DLG2: variants seen among roughly 807,000 people sequenced by gnomAD.
The protein encoded by DLG2 is disks large homolog 2.
In DLG2, 45 loss-of-function variants were observed where a neutral mutation model predicts 132.5. That is an observed-to-expected ratio of 0.34 (90% CI 0.27 to 0.44). DLG2 has a LOEUF of 0.44. DLG2 is among the 20% of genes least tolerant of loss of function. The pLI is 1.00. For synonymous variants in DLG2, 424 were observed against 419.6 expected, an observed-to-expected ratio of 1.01 and a Z score of -0.13; for missense variants, 1,045 against 1,196.9, an observed-to-expected ratio of 0.87 and a Z score of 1.87.
At chr11:83,704,109 T>A (rs1034008486) in intron 18 of DLG2, among the ~76,000 whole-genome samples, 3 of 152,144 alleles carry the variant, frequency 2.0e-5, no homozygotes, top group African/African-American at 4.8e-5. Flanking sequence ...TTTTATAATT[T>A]AAAAAAATCC....
At chr11:84,541,292 G>T (rs937685017) in intron 6 of DLG2, among the ~76,000 whole-genome samples, 1 of 151,948 alleles carries the variant, frequency 6.6e-6, no homozygotes, top group Non-Finnish European at 1.5e-5. Flanking sequence ...CTCAAGACAG[G>T]GATGCCTGGT....
chr11:84,691,233 G>A (rs1414052155), intron 6 of DLG2, among the ~76,000 whole-genome samples: 1 of 151,586 alleles, frequency 6.6e-6, no homozygotes, highest in South Asian at 2.1e-4. Context: ...ATTATTTTTA[G>A]TAGGAACATA....
intron 21 of DLG2, among the ~76,000 whole-genome samples, chr11:83,518,322 G>C (rs113137013): frequency 3.9e-5 from 6 of 152,346 alleles, no homozygotes; most frequent in African/African-American, 7.2e-5. Context: ...CTCCAAGCCA[G>C]GCGCGGGATA....
At chr11:83,813,363 C>A (rs1177828769) in intron 17 of DLG2, among the ~76,000 whole-genome samples, 1 of 152,066 alleles carries the variant, frequency 6.6e-6, no homozygotes, top group African/African-American at 2.4e-5. Context: ...AGAGCAGAAA[C>A]AAAGATTGTT....
rs58960201 is a variant in DLG2, at chr11:85,131,496, A to G, written c.283-19761T>C. 9.6e-3 allele frequency among the ~76,000 whole-genome samples: 1,468 copies of G among 152,254 alleles called. 21 individuals are homozygous for G. Among genetic ancestry groups the G allele is most frequent in the African/African-American group, 0.032 (1,330 of 41,556 alleles). ...ATTACATAAGGACATACAATTTCCTACTTAAGATTTTTTAAAATTTATTTT... is the reference window on the plus strand; with the variant it reads ...ATTACATAAGGACATACAATTTCCTGCTTAAGATTTTTTAAAATTTATTTT... On this transcript the variant is annotated intron_variant, in intron 5 of 27. Coordinates refer to ENST00000376104, the MANE Select transcript of DLG2 (RefSeq NM_001142699.3).
intron 17 of DLG2, among the ~76,000 whole-genome samples, chr11:83,801,056 C>T (rs2044241013): frequency 1.3e-5 from 2 of 152,158 alleles, no homozygotes; most frequent in Non-Finnish European, 2.9e-5. Flanking sequence ...AAACATGTTT[C>T]TCGAGAGTTT....
chr11:83,576,861 C>G (rs1593559894), intron 19 of DLG2, among the ~76,000 whole-genome samples: 1 of 152,278 alleles, frequency 6.6e-6, no homozygotes, highest in East Asian at 1.9e-4. Context: ...GGAATGGTAA[C>G]TATGTGGATG....
intron 18 of DLG2, among the ~76,000 whole-genome samples, chr11:83,637,643 T>C (rs1005217932): frequency 2.0e-5 from 3 of 152,162 alleles, no homozygotes; most frequent in African/African-American, 4.8e-5. Flanking sequence ...AACACCACAA[T>C]TGTTTAGAAT....
intron 11 of DLG2, among the ~76,000 whole-genome samples, chr11:84,032,130 C>T (rs1355768698): frequency 6.6e-6 from 1 of 152,092 alleles, no homozygotes; most frequent in Non-Finnish European, 1.5e-5. Context: ...AAATAATAAC[C>T]CTTAAATGGC....
In DLG2 at chr11:84,368,367, T is replaced by C. The variant is rs577180664; in HGVS notation, c.520-117076A>G. On this transcript the variant is annotated intron_variant, in intron 7 of 27. Transcript: ENST00000376104. ...TAAAATTACTAATAAAAACAATGTA[T>C]TCTATGTTTGCCTATTCTTCATGGC... 2.3e-4 allele frequency among the ~76,000 whole-genome samples: 35 copies of C among 152,252 alleles called. 1 individual carries two copies. The South Asian group carries it at 7.3e-3, about 32-fold the overall frequency.
At chr11:84,986,250 G>A (rs1048632075) in intron 6 of DLG2, among the ~76,000 whole-genome samples, 27 of 152,034 alleles carry the variant, frequency 1.8e-4, no homozygotes, top group African/African-American at 6.3e-4. Flanking sequence ...GCTTAAATCG[G>A]GAAGAACTAG....
At chr11:85,550,768 G>A (rs2076619058) in intron 3 of DLG2, among the ~76,000 whole-genome samples, 1 of 152,148 alleles carries the variant, frequency 6.6e-6, no homozygotes, top group African/African-American at 2.4e-5. Flanking sequence ...ACTTTCTCTG[G>A]CTAACTCTCC....
chr11:85,246,898 T>C (rs955574183), intron 4 of DLG2, among the ~76,000 whole-genome samples: 2 of 152,140 alleles, frequency 1.3e-5, no homozygotes, highest in Non-Finnish European at 2.9e-5. Context: ...AGGCCTTTAG[T>C]ATAATTTAAG....
chr11:84,650,883 A>G (rs1237973174), intron 6 of DLG2, among the ~76,000 whole-genome samples: 3 of 139,672 alleles, frequency 2.1e-5, no homozygotes, highest in African/African-American at 8.5e-5. Flanking sequence ...GTATATATAT[A>G]TATATATATA....
At chr11:84,252,395 G>A (rs1342211496) in intron 7 of DLG2, among the ~76,000 whole-genome samples, 6 of 151,632 alleles carry the variant, frequency 4.0e-5, no homozygotes, top group Non-Finnish European at 7.4e-5. Flanking sequence ...TGATTCGCCC[G>A]CCTCAGCCTC....
At chr11:84,661,923 C>T (rs1036200274) in intron 6 of DLG2, among the ~76,000 whole-genome samples, 3 of 152,110 alleles carry the variant, frequency 2.0e-5, no homozygotes, top group African/African-American at 4.8e-5. Context: ...ACTGAATTAA[C>T]GGTAACAAGA....
chr11:84,628,097 T>C lies in DLG2; in HGVS notation c.358-93366A>G, dbSNP rs150716197. Among the ~76,000 whole-genome samples the C allele has an allele frequency of 4.4e-3, 536 of 121,992 alleles. 7 individuals are homozygous for C. Among genetic ancestry groups the C allele is most frequent in the African/African-American group, 0.015 (498 of 33,540 alleles). 80.0% of individuals were successfully genotyped at this position (121,992 alleles called of 152,430 possible). On this transcript the variant is annotated intron_variant, in intron 6 of 27. Coordinates refer to ENST00000376104, the MANE Select transcript of DLG2 (RefSeq NM_001142699.3). ...ATGACTATATATATATGTACACACA[T>C]ATATACACACATATATATATATATA...
rs80162994 is a variant in DLG2 at position 84,822,359 on chromosome 11, G to T, written c.358-287628C>A. Among the ~76,000 whole-genome samples the T allele has an allele frequency of 1.1e-3, 171 of 151,898 alleles. 2 individuals are homozygous for T. The East Asian group carries it at 0.032, about 28-fold the overall frequency. ...TGGCAAATGATAATTGGAAGGAGGG[G>T]TAAGCTTATTTTTTAAAACAGATTA... On this transcript the variant is annotated intron_variant, in intron 6 of 27. Coordinates refer to ENST00000376104, the MANE Select transcript of DLG2 (RefSeq NM_001142699.3).
At chr11:85,109,384 T>G (rs1399235038) in intron 6 of DLG2, among the ~76,000 whole-genome samples, 1 of 152,100 alleles carries the variant, frequency 6.6e-6, no homozygotes, top group Non-Finnish European at 1.5e-5. Context: ...AGAATAAGAC[T>G]TTAATGCTGG....
Sources: allele counts gnomAD v4.1 joint callset (sites outside exome capture counted in the v4.1 genomes callset), GRCh38; gene constraint gnomAD v4.1.1; transcripts MANE v1.5; gene names NCBI Gene and HGNC (gene_info 2026-07-23, HGNC 2026-07-21).